The following GRIK2 variants were observed in gnomAD, a reference collection of about 807,000 sequenced individuals.
GRIK2 encodes the protein glutamate receptor ionotropic, kainate 2.
Under a neutral mutation model 100.3 loss-of-function variants are expected in GRIK2, and 32 were observed. That is an observed-to-expected ratio of 0.32 (90% CI 0.24 to 0.43). The LOEUF is 0.43. GRIK2 is among the 20% of genes least tolerant of loss of function. The pLI, the probability that GRIK2 is intolerant of heterozygous loss-of-function variation, is 1.00. For synonymous variants in GRIK2, 417 were observed against 389.4 expected (o/e 1.07, Z -0.83); for missense variants, 843 against 1,114.9 (o/e 0.76, Z 3.47).
intron 7 of GRIK2, among the ~76,000 whole-genome samples, chr6:101,708,766 T>C (rs72956316): frequency 0.1 from 15,618 of 151,810 alleles, 1,215 homozygotes; most frequent in East Asian, 0.29. Flanking sequence ...TATTTTCAAA[T>C]GGCTATTCAA....
chr6:101,568,299 C>T (rs1291857799), intron 2 of GRIK2, among the ~76,000 whole-genome samples: 1 of 151,928 alleles, frequency 6.6e-6, no homozygotes. Context: ...AACCTAAATC[C>T]TTTGTGCTTC....
intron 10 of GRIK2, among the ~76,000 whole-genome samples, chr6:101,852,179 TAAAAC>T (rs886735681): frequency 7.2e-5 from 11 of 152,062 alleles, no homozygotes; most frequent in Admixed American, 1.3e-4. Flanking sequence ...TCCTTTTAAG[TAAAAC>T]AAAACAAAAC....
intron 7 of GRIK2, among the ~76,000 whole-genome samples, chr6:101,793,056 C>A (rs1423198000): frequency 1.3e-5 from 2 of 152,198 alleles, no homozygotes; most frequent in African/African-American, 4.8e-5. Context: ...CTTTCACCTC[C>A]GTCAGCTCCT....
intron 10 of GRIK2, among the ~76,000 whole-genome samples, chr6:101,845,875 T>C (rs1355971522): frequency 6.6e-6 from 1 of 152,206 alleles, no homozygotes; most frequent in African/African-American, 2.4e-5. Context: ...AAGTGGTATC[T>C]TACTGCGGTT....
intron 14 of GRIK2, among the ~76,000 whole-genome samples, chr6:101,936,524 A>G (rs1790627355): frequency 6.6e-6 from 1 of 152,116 alleles, no homozygotes; most frequent in Non-Finnish European, 1.5e-5. Flanking sequence ...TTTGTGTAGT[A>G]AGGAAGTTAT....
At chr6:101,957,518 A>T (rs1435439018) in intron 14 of GRIK2, among the ~76,000 whole-genome samples, 1 of 151,484 alleles carries the variant, frequency 6.6e-6, no homozygotes, top group Non-Finnish European at 1.5e-5. Context: ...CTGTGCAGAC[A>T]CTTTCTAGTT....
intron 14 of GRIK2, among the ~76,000 whole-genome samples, chr6:101,961,505 G>A (rs535876069): frequency 1.6e-4 from 25 of 152,210 alleles, no homozygotes; most frequent in African/African-American, 5.1e-4. Flanking sequence ...GCTGTGGGTC[G>A]GCAGGCAGAA....
chr6:101,692,506 T>G (rs1353263289), intron 7 of GRIK2, among the ~76,000 whole-genome samples: 1 of 152,126 alleles, frequency 6.6e-6, no homozygotes, highest in Non-Finnish European at 1.5e-5. Context: ...AATCAGAAGA[T>G]AGTAACTGTT....
intron 1 of GRIK2, among the ~76,000 whole-genome samples, chr6:101,395,678 G>C (rs1173989263): frequency 2.6e-5 from 4 of 151,870 alleles, no homozygotes; most frequent in African/African-American, 9.7e-5. Context: ...TGAAGCTAGT[G>C]GGTTTTTTTG....
chr6:101,985,213 A>G (rs937443736), intron 14 of GRIK2, among the ~76,000 whole-genome samples: 2 of 151,668 alleles, frequency 1.3e-5, no homozygotes, highest in African/African-American at 4.8e-5. Flanking sequence ...CAAAGAAAAC[A>G]CTTCTATAAA....
intron 12 of GRIK2, among the ~76,000 whole-genome samples, chr6:101,911,450 G>T (rs1258105617): frequency 6.6e-6 from 1 of 151,424 alleles, no homozygotes; most frequent in Non-Finnish European, 1.5e-5. Flanking sequence ...ATGTATTTGG[G>T]TAGCTTTATT....
chr6:101,625,384 TAATAAATAAATAAATA>T (rs139402781), intron 3 of GRIK2, among the ~76,000 whole-genome samples: 103 of 147,610 alleles, frequency 7.0e-4, no homozygotes, highest in African/African-American at 2.5e-3. Context: ...ACAAAATAAA[TAATAAATAAATAAATA>T]AATAAATAAA....
intron 7 of GRIK2, among the ~76,000 whole-genome samples, chr6:101,770,169 C>T (rs1778308478): frequency 6.6e-6 from 1 of 152,092 alleles, no homozygotes. Flanking sequence ...TCGTTACTGC[C>T]TTGTTTTTTC....
intron 10 of GRIK2, among the ~76,000 whole-genome samples, chr6:101,857,067 T>C (rs1247406600): frequency 6.6e-6 from 1 of 152,166 alleles, no homozygotes; most frequent in Non-Finnish European, 1.5e-5. Flanking sequence ...GAGCCTGGTC[T>C]AGCAGGGTGG....
intron 16 of GRIK2, chr6:102,065,802 C>T: frequency 6.6e-7 from 1 of 1,521,314 alleles, no homozygotes; most frequent in South Asian, 1.2e-5. Flanking sequence ...AACAGAGAGC[C>T]AAGACTAAGT....
chr6:102,043,170 T>C (rs551878527), intron 15 of GRIK2, among the ~76,000 whole-genome samples: 21 of 151,952 alleles, frequency 1.4e-4, no homozygotes, highest in Admixed American at 1.3e-4. Context: ...TTTTTTAAAC[T>C]AAACAGTTAT....
intron 11 of GRIK2, among the ~76,000 whole-genome samples, chr6:101,881,478 A>G (rs564102755): frequency 6.6e-6 from 1 of 152,074 alleles, no homozygotes; most frequent in East Asian, 1.9e-4. Flanking sequence ...TATTATAATA[A>G]TAGAAATAAT....
intron 6 of GRIK2, among the ~76,000 whole-genome samples, chr6:101,682,914 G>A (rs928416528): frequency 5.3e-5 from 8 of 152,186 alleles, no homozygotes; most frequent in African/African-American, 9.6e-5. Context: ...TTAGAAAAGC[G>A]CAAATTCAGC....
chr6:101,720,748 G>C (rs1444590246), intron 7 of GRIK2, among the ~76,000 whole-genome samples: 1 of 151,830 alleles, frequency 6.6e-6, no homozygotes, highest in Non-Finnish European at 1.5e-5. Flanking sequence ...AAAAGTTTTA[G>C]TTAAACTCAC....
Sources: gnomAD v4.1 joint callset for allele counts (sites outside exome capture counted in the v4.1 genomes callset) on GRCh38, gnomAD v4.1.1 for gene constraint, MANE v1.5 for transcripts, NCBI Gene and HGNC (gene_info 2026-07-23, HGNC 2026-07-21) for gene names.